Variants in RNF130 observed in about 807,000 individuals in gnomAD.
RNF130 encodes the protein ring finger protein 130, also known as E3 ubiquitin-protein ligase RNF130.
A neutral mutation model predicts 44.6 loss-of-function variants in RNF130; 21 were observed. That is an observed-to-expected ratio of 0.47 (90% confidence interval 0.33 to 0.68). The LOEUF is 0.68. Ranked by LOEUF, RNF130 falls within the 30% of genes least tolerant of loss-of-function variation. The pLI is 0.02. For synonymous variants in RNF130, 214 were observed against 210.4 expected (o/e 1.02, Z -0.15); for missense variants, 479 against 560.6 (o/e 0.85, Z 1.47).
At chr5:179,995,275 C>G (rs1763176712) in intron 3 of RNF130, among the ~76,000 whole-genome samples, 1 of 152,164 alleles carries the variant, frequency 6.6e-6, no homozygotes, top group African/African-American at 2.4e-5. Flanking sequence ...GACCATATAT[C>G]TGCCTTCAGC....
rs183631525 is a variant in RNF130 at position 180,039,689 on chromosome 5, T to C, written c.442+764A>G. On this transcript the variant is annotated intron_variant, in intron 2 of 8. Coordinates refer to ENST00000521389, the MANE Select transcript of RNF130 (RefSeq NM_018434.6). ...ATGTAAAAATTACACGATGAAAAGT[T>C]AGTTCTTTAAATAAGCCAAACTCTA... Among the ~76,000 whole-genome samples, 5 of 152,322 alleles carry C rather than the reference T, an allele frequency of 3.3e-5. No individual in the cohort carries two copies. In the East Asian group the frequency reaches 7.7e-4, roughly 23 times the overall value.
Position 179,978,219 on chromosome 5 carries a change from GGAC to G in RNF130, c.829_831del (p.Val277del). 1.9e-6 allele frequency: 3 copies of G among 1,613,216 alleles called. No individual in the cohort carries two copies. The highest frequency in any genetic ancestry group is 2.5e-6 in the Non-Finnish European group (3 of 1,179,130). On this transcript the variant is annotated inframe_deletion, in exon 5 of 9. Transcript: ENST00000521389. ...TTGACATACTTGCAGGGGAGAATTC[GGAC>G]GACATCATTCTGCTTATAGCTCTCT...
rs550728819 is a variant in RNF130 at position 180,071,366 on chromosome 5, C to A, written c.247+90G>T. On this transcript the variant is annotated intron_variant, in intron 1 of 8. Coordinates refer to ENST00000521389, the MANE Select transcript of RNF130 (RefSeq NM_018434.6). The stretch of plus-strand genomic sequence containing the variant: ...CTGTCGGCCGGGCAGCGCGGGAGAG[C>A]CAGGGCCAGAGCCGGGGCCGGGAAC... The A allele has an allele frequency of 4.9e-5, 57 of 1,175,018 alleles. No homozygotes were observed. The Admixed American group carries it at 1.6e-3, about 33-fold the overall frequency. 72.8% of individuals were successfully genotyped at this position (1,175,018 alleles called of 1,614,324 possible). A position where few individuals can be genotyped will look rare whatever the true frequency, so the allele number is the denominator to read the frequency against.
intron 5 of RNF130, among the ~76,000 whole-genome samples, chr5:179,973,322 C>T (rs1051883726): frequency 4.6e-5 from 7 of 152,184 alleles, no homozygotes; most frequent in Admixed American, 2.0e-4. Context: ...GCCCTGAACA[C>T]GGCACCTTTT....
chr5:180,043,895 T>C (rs1244129282), intron 1 of RNF130, among the ~76,000 whole-genome samples: 3 of 152,236 alleles, frequency 2.0e-5, no homozygotes, highest in African/African-American at 7.2e-5. Context: ...AAAAGTGGTA[T>C]TTATTATTCA....
chr5:180,062,692 G>T (rs1050175431), intron 1 of RNF130, among the ~76,000 whole-genome samples: 8 of 152,166 alleles, frequency 5.3e-5, no homozygotes, highest in African/African-American at 4.8e-5. Flanking sequence ...AGATGAAAAA[G>T]ACTTTCTAAC....
intron 3 of RNF130, among the ~76,000 whole-genome samples, chr5:180,010,421 A>G (rs1763565669): frequency 6.6e-6 from 1 of 151,896 alleles, no homozygotes; most frequent in Non-Finnish European, 1.5e-5. Context: ...GTGCAGTGGT[A>G]CGATCATGGC....
chr5:179,963,145 G>A (rs1762371440), intron 8 of RNF130, among the ~76,000 whole-genome samples: 1 of 152,198 alleles, frequency 6.6e-6, no homozygotes, highest in African/African-American at 2.4e-5. Context: ...TCAGCGATGA[G>A]GATGCTGACA....
intron 7 of RNF130, among the ~76,000 whole-genome samples, chr5:179,932,390 T>C (rs1761821630): frequency 6.6e-6 from 1 of 151,970 alleles, no homozygotes; most frequent in Admixed American, 6.6e-5. Flanking sequence ...CCTGAGTAGC[T>C]GGGACTACAG....
chr5:180,050,302 G>A (rs940341088), intron 1 of RNF130, among the ~76,000 whole-genome samples: 8 of 152,158 alleles, frequency 5.3e-5, no homozygotes, highest in Non-Finnish European at 7.3e-5. Flanking sequence ...CAGGCTCCGC[G>A]CCCACAAGAG....
intron 7 of RNF130, among the ~76,000 whole-genome samples, chr5:179,948,339 T>C (rs1762074289): frequency 6.6e-6 from 1 of 152,192 alleles, no homozygotes; most frequent in Admixed American, 6.5e-5. Context: ...CCTGGAATGG[T>C]GGTCTCTGTT....
chr5:179,922,420 C>T (rs1023521548), intron 7 of RNF130, among the ~76,000 whole-genome samples: 3 of 152,054 alleles, frequency 2.0e-5, no homozygotes, highest in African/African-American at 7.2e-5. Flanking sequence ...TCAAGAGATT[C>T]TTGTGCCTCA....
At chr5:179,975,565 G>GTGTGC (rs1183562618) in intron 5 of RNF130, among the ~76,000 whole-genome samples, 1 of 152,218 alleles carries the variant, frequency 6.6e-6, no homozygotes, top group Non-Finnish European at 1.5e-5. Flanking sequence ...CAGTGAGATG[G>GTGTGC]TGTGCTGTGC....
chr5:179,954,513 G>C (rs1366970923), downstream of RNF130, among the ~76,000 whole-genome samples: 1 of 152,160 alleles, frequency 6.6e-6, no homozygotes, highest in Non-Finnish European at 1.5e-5. Context: ...GAAATGCCCA[G>C]AACAGGCAAA....
chr5:179,970,199 C>T (rs1762548565), intron 6 of RNF130, among the ~76,000 whole-genome samples: 1 of 152,040 alleles, frequency 6.6e-6, no homozygotes, highest in Non-Finnish European at 1.5e-5. Context: ...GAGTTATTTA[C>T]CTTCTCTTCC....
At chr5:180,020,123 G>C (rs1763838811) in intron 2 of RNF130, among the ~76,000 whole-genome samples, 1 of 152,200 alleles carries the variant, frequency 6.6e-6, no homozygotes, top group Non-Finnish European at 1.5e-5. Context: ...TGCAACTCGA[G>C]ATGTAACAAT....
At chr5:179,969,180 C>T (rs1412128544) in intron 6 of RNF130, among the ~76,000 whole-genome samples, 1 of 152,108 alleles carries the variant, frequency 6.6e-6, no homozygotes, top group African/African-American at 2.4e-5. Context: ...AAGCATAACC[C>T]TGGCTATACA....
At chr5:180,057,231 A>C (rs1397579118) in intron 1 of RNF130, among the ~76,000 whole-genome samples, 2 of 152,228 alleles carry the variant, frequency 1.3e-5, no homozygotes, top group African/African-American at 4.8e-5. Context: ...GAGCCAATCC[A>C]ATGGCCAATG....
intron 3 of RNF130, among the ~76,000 whole-genome samples, chr5:179,998,886 T>TATATATATATATATATA (rs1389273465): frequency 1.2e-3 from 130 of 105,382 alleles, no homozygotes; most frequent in African/African-American, 1.6e-3. Context: ...TATATATATG[T>TATATATATATATATATA]TTTATATATC....
Sources: gnomAD v4.1 joint callset for allele counts (sites outside exome capture counted in the v4.1 genomes callset) on GRCh38, gnomAD v4.1.1 for gene constraint, MANE v1.5 for transcripts, NCBI Gene and HGNC (gene_info 2026-07-23, HGNC 2026-07-21) for gene names.